Variants in GBE1 observed in about 807,000 individuals in gnomAD.
GBE1 encodes 1,4-alpha-glucan branching enzyme 1, also known as 1,4-alpha-glucan-branching enzyme.
Under a neutral mutation model 88.8 loss-of-function variants are expected in GBE1, and 70 were observed. The observed-to-expected ratio is 0.79, with a 90% CI of 0.65 to 0.96. The LOEUF is 0.96. GBE1 is among the 40% of genes least tolerant of loss of function. The pLI is 0.00. For synonymous variants in GBE1, 284 were observed against 300.1 expected, an observed-to-expected ratio of 0.95 and a Z score of 0.56; for missense variants, 872 against 871.0, an observed-to-expected ratio of 1.00 and a Z score of -0.01.
At chr3:81,718,389 T>C (rs1178213625) in intron 1 of GBE1, among the ~76,000 whole-genome samples, 1 of 152,238 alleles carries the variant, frequency 6.6e-6, no homozygotes, top group East Asian at 1.9e-4. Flanking sequence ...GAGTACTTAC[T>C]ATGTTCCAGG....
At chr3:81,676,008 T>C (rs1705246101) in intron 2 of GBE1, among the ~76,000 whole-genome samples, 1 of 152,140 alleles carries the variant, frequency 6.6e-6, no homozygotes. Flanking sequence ...ACTTAATGAA[T>C]AGTAAATATA....
intron 13 of GBE1, among the ~76,000 whole-genome samples, chr3:81,536,343 G>A (rs1703073001): frequency 2.0e-5 from 3 of 151,846 alleles, no homozygotes; most frequent in Admixed American, 2.0e-4. Flanking sequence ...AAAGAAGCCT[G>A]TATAAAATTT....
At chr3:81,491,698 T>G (rs1330803042) in intron 15 of GBE1, among the ~76,000 whole-genome samples, 1 of 152,058 alleles carries the variant, frequency 6.6e-6, no homozygotes, top group Non-Finnish European at 1.5e-5. Flanking sequence ...TCACTTTATC[T>G]CTAAATGAAA....
intron 2 of GBE1, among the ~76,000 whole-genome samples, chr3:81,682,321 G>T (rs986232034): frequency 4.6e-5 from 7 of 152,044 alleles, no homozygotes; most frequent in African/African-American, 1.7e-4. Flanking sequence ...AATTAGCTGG[G>T]CATGGTGGCA....
chr3:81,585,358 T>C (rs3821555), intron 10 of GBE1, among the ~76,000 whole-genome samples: 9,756 of 152,094 alleles, frequency 0.064, 526 homozygotes, highest in African/African-American at 0.14. Flanking sequence ...ATGTCTGAAA[T>C]AAAGGGCTCA....
At chr3:81,491,601 G>A (rs1702436206) in intron 15 of GBE1, among the ~76,000 whole-genome samples, 1 of 152,040 alleles carries the variant, frequency 6.6e-6, no homozygotes, top group African/African-American at 2.4e-5. Context: ...TATTAACAAA[G>A]CAAACAGTAA....
At chr3:81,635,619 C>G (rs1704581266) in intron 7 of GBE1, among the ~76,000 whole-genome samples, 1 of 151,988 alleles carries the variant, frequency 6.6e-6, no homozygotes, top group South Asian at 2.1e-4. Context: ...TTTGCTACAC[C>G]CAGATAAAAA....
intron 14 of GBE1, among the ~76,000 whole-genome samples, chr3:81,525,581 T>C (rs1352817417): frequency 6.6e-5 from 10 of 152,090 alleles, no homozygotes; most frequent in Non-Finnish European, 1.5e-4. Context: ...CTTTTGTTAT[T>C]GATTGGAATA....
At chr3:81,541,459 G>C (rs6768822) in intron 12 of GBE1, among the ~76,000 whole-genome samples, 123,977 of 146,372 alleles carry the variant, frequency 0.85, 52,827 homozygotes, top group Non-Finnish European at 0.91. Flanking sequence ...TGCCCCCCCC[G>C]CCACCTCGCC....
At chr3:81,653,626 T>G (rs1704884103) in intron 3 of GBE1, among the ~76,000 whole-genome samples, 1 of 152,222 alleles carries the variant, frequency 6.6e-6, no homozygotes. Context: ...GCTACTTCTA[T>G]TAGCAAACAC....
chr3:81,541,444 C>G, intron 12 of GBE1, among the ~76,000 whole-genome samples: 1 of 147,242 alleles, frequency 6.8e-6, no homozygotes, highest in African/African-American at 2.5e-5. Flanking sequence ...TGATGGGCTG[C>G]AAGTTGCCCC....
chr3:81,544,203 A>T (rs925420046), intron 12 of GBE1, among the ~76,000 whole-genome samples: 1 of 152,178 alleles, frequency 6.6e-6, no homozygotes, highest in African/African-American at 2.4e-5. Flanking sequence ...TAAAGGAAGC[A>T]TTTTTAAAAC....
At chr3:81,707,540 A>G (rs542287244) in intron 1 of GBE1, among the ~76,000 whole-genome samples, 3 of 152,130 alleles carry the variant, frequency 2.0e-5, no homozygotes, top group Admixed American at 2.0e-4. Context: ...CCTTGGCTAG[A>G]CAACTGTGGA....
At chr3:81,622,013 T>A (rs1704340130) in intron 7 of GBE1, among the ~76,000 whole-genome samples, 1 of 152,172 alleles carries the variant, frequency 6.6e-6, no homozygotes, top group South Asian at 2.1e-4. Context: ...ATCAGCTAAA[T>A]CCCATCAGCT....
chr3:81,711,487 C>A (rs778595688), intron 1 of GBE1, among the ~76,000 whole-genome samples: 51 of 151,968 alleles, frequency 3.4e-4, no homozygotes, highest in Non-Finnish European at 6.5e-4. Context: ...TTGTCAGGGT[C>A]GTCAAAGATC....
intron 10 of GBE1, 26 bp downstream of exon 10, chr3:81,586,066 C>CA (rs1703799306): frequency 2.1e-6 from 3 of 1,424,454 alleles, no homozygotes; most frequent in South Asian, 1.2e-5. Flanking sequence ...TTCACAGAAA[C>CA]AAAAAATATT....
intron 3 of GBE1, among the ~76,000 whole-genome samples, chr3:81,659,276 G>A (rs116101871): frequency 0.015 from 2,276 of 151,790 alleles, 72 homozygotes; most frequent in African/African-American, 0.052. Context: ...AAGTCTATGT[G>A]GTAATAAATT....
At chr3:81,756,883 T>C (rs1026788353) in intron 1 of GBE1, among the ~76,000 whole-genome samples, 1 of 152,180 alleles carries the variant, frequency 6.6e-6, no homozygotes, top group African/African-American at 2.4e-5. Context: ...ATTTGTTAAA[T>C]GTTTCTCTTT....
At chr3:81,562,787 A>G (rs541254887) in intron 12 of GBE1, among the ~76,000 whole-genome samples, 26 of 152,170 alleles carry the variant, frequency 1.7e-4, no homozygotes, top group Non-Finnish European at 2.9e-4. Flanking sequence ...AGAAGGAAAA[A>G]TGAAAACTAA....
Sources: allele counts gnomAD v4.1 joint callset (sites outside exome capture counted in the v4.1 genomes callset), GRCh38; gene constraint gnomAD v4.1.1; transcripts MANE v1.5; gene names NCBI Gene and HGNC (gene_info 2026-07-23, HGNC 2026-07-21).